Variants in AOAH observed in about 807,000 individuals in gnomAD.
AOAH encodes the protein acyloxyacyl hydrolase.
In AOAH, 64 loss-of-function variants were observed where a neutral mutation model predicts 92.2. That is an observed-to-expected ratio of 0.69 (90% CI 0.57 to 0.86). The LOEUF (loss-of-function observed/expected upper bound fraction) is 0.86, where lower values mean the gene tolerates loss of function less well. Ranked by LOEUF, AOAH falls within the 40% of genes least tolerant of loss-of-function variation. The probability of loss-of-function intolerance (pLI) is 0.00; values close to 1 mark genes in which losing one functional copy is unlikely to be tolerated. For missense variants in AOAH, 656 were observed against 694.6 expected, an observed-to-expected ratio of 0.94 and a Z score of 0.62; for synonymous variants, 263 against 254.5, an observed-to-expected ratio of 1.03 and a Z score of -0.32.
At chr7:36,538,739 G>A (rs760418749) in intron 16 of AOAH, among the ~76,000 whole-genome samples, 4 of 152,218 alleles carry the variant, frequency 2.6e-5, no homozygotes, top group Non-Finnish European at 5.9e-5. Flanking sequence ...AAGCAGCCCA[G>A]AATGGAGTGA....
chr7:36,652,154 C>A (rs558757757), intron 4 of AOAH, among the ~76,000 whole-genome samples: 5 of 152,006 alleles, frequency 3.3e-5, no homozygotes, highest in Non-Finnish European at 5.9e-5. Context: ...ACAAGATGAG[C>A]CTGGATCATC....
At chr7:36,611,634 G>A (rs536763167) in intron 11 of AOAH, among the ~76,000 whole-genome samples, 2 of 152,294 alleles carry the variant, frequency 1.3e-5, no homozygotes, top group Admixed American at 6.5e-5. Context: ...CCTGGAGAAA[G>A]TGTGGGCCCC....
At chr7:36,659,306 T>G in intron 3 of AOAH, 41 bp from the exon 4 acceptor site, 8 of 1,487,622 alleles carry the variant, frequency 5.4e-6, no homozygotes, top group African/African-American at 1.4e-5. Flanking sequence ...TTCAGATCTC[T>G]TAGGCATTAG....
intron 20 of AOAH, chr7:36,514,563 A>C: frequency 1.3e-6 from 2 of 1,535,822 alleles, no homozygotes; most frequent in South Asian, 2.4e-5. Flanking sequence ...CTTGTCATTA[A>C]TATGCCTTTG....
chr7:36,548,009 A>T lies in AOAH; in HGVS notation c.1133+603T>A, dbSNP rs570277809. Among the ~76,000 whole-genome samples the T allele has an allele frequency of 1.3e-3, 195 of 152,104 alleles. 1 individual carries two copies. The highest frequency in any genetic ancestry group is 1.8e-3 in the Non-Finnish European group (121 of 67,948). ...AACTGTGCTTCTGCCTTATTTTATT[A>T]AAAAAAATCACAATTCCCAATCTTG... is the stretch of plus-strand genomic sequence containing the variant. On this transcript the variant is annotated intron_variant, in intron 15 of 20. Transcript: ENST00000617537.
intron 5 of AOAH, among the ~76,000 whole-genome samples, chr7:36,634,656 C>T (rs909696979): frequency 3.3e-5 from 5 of 152,132 alleles, no homozygotes; most frequent in African/African-American, 7.2e-5. Flanking sequence ...GACAGCACTT[C>T]GGAAATACAG....
intron 12 of AOAH, among the ~76,000 whole-genome samples, chr7:36,586,264 A>G (rs1429739982): frequency 2.0e-5 from 3 of 152,142 alleles, no homozygotes; most frequent in Non-Finnish European, 2.9e-5. Flanking sequence ...AAAGTTGTAC[A>G]TGCTCACCCA....
At chr7:36,538,480 G>C (rs994740735) in intron 16 of AOAH, among the ~76,000 whole-genome samples, 3 of 152,142 alleles carry the variant, frequency 2.0e-5, no homozygotes, top group Non-Finnish European at 4.4e-5. Flanking sequence ...TATGGAGGTG[G>C]CGTAACCAGA....
At chr7:36,626,819 C>G (rs1792697982) in intron 6 of AOAH, among the ~76,000 whole-genome samples, 1 of 152,188 alleles carries the variant, frequency 6.6e-6, no homozygotes, top group African/African-American at 2.4e-5. Context: ...GGGTCTTGCT[C>G]TGTTGCCCAG....
intron 2 of AOAH, among the ~76,000 whole-genome samples, chr7:36,675,798 G>T (rs1188253888): frequency 6.6e-6 from 1 of 152,094 alleles, no homozygotes; most frequent in Non-Finnish European, 1.5e-5. Flanking sequence ...CCATGATCAG[G>T]TGGGATTTAT....
intron 13 of AOAH, among the ~76,000 whole-genome samples, chr7:36,550,515 T>A (rs1167782935): frequency 1.3e-5 from 2 of 152,188 alleles, no homozygotes; most frequent in Admixed American, 1.3e-4. Context: ...CTAAGTGGCT[T>A]GCCCAAAGCC....
In AOAH at chr7:36,522,042, G is replaced by A. The variant is rs148236823; in HGVS notation, c.1596C>T (p.Asn532=). The A allele has an allele frequency of 5.3e-5, 86 of 1,613,872 alleles. No homozygotes were observed. In the Middle Eastern group the frequency reaches 1.6e-3, roughly 31 times the overall value. The part of the protein sequence containing the change: ...LIEPVDGFHP[N]EVALLLLADH... Reference sequence around the variant, plus strand: ...GCCACCATGTGACTGTGCTTACCTCGTTGGGGTGGAATCCATCCACGGGCT... The same window carrying A: ...GCCACCATGTGACTGTGCTTACCTCATTGGGGTGGAATCCATCCACGGGCT... Residue 532 remains asparagine, a synonymous_variant, in exon 20 of 21, where the codon AAC becomes AAT. Coordinates refer to ENST00000617537, the MANE Select transcript of AOAH (RefSeq NM_001637.4).
intron 11 of AOAH, chr7:36,594,729 C>A: frequency 2.5e-6 from 1 of 392,656 alleles, no homozygotes; most frequent in Non-Finnish European, 4.8e-6. Flanking sequence ...CCCATTCTTA[C>A]ATTTTCTGAG....
chr7:36,640,168 C>T (rs931976149), intron 4 of AOAH, among the ~76,000 whole-genome samples: 5 of 151,900 alleles, frequency 3.3e-5, no homozygotes. Context: ...CAGCTTTTGC[C>T]AAGGAGGGGG....
intron 4 of AOAH, among the ~76,000 whole-genome samples, chr7:36,642,929 A>G (rs1794001751): frequency 6.6e-6 from 1 of 152,164 alleles, no homozygotes. Context: ...TTACTTAAGC[A>G]CTCTGAGCCT....
chr7:36,716,103 T>TACAATGC (rs1298127819), intron 1 of AOAH, among the ~76,000 whole-genome samples: 1 of 152,160 alleles, frequency 6.6e-6, no homozygotes, highest in East Asian at 1.9e-4. Flanking sequence ...ATCCAGAATC[T>TACAATGC]ACAATGCACT....
At chr7:36,593,502 C>T (rs1336324346) in intron 12 of AOAH, among the ~76,000 whole-genome samples, 2 of 152,172 alleles carry the variant, frequency 1.3e-5, no homozygotes, top group Non-Finnish European at 2.9e-5. Context: ...GCCATTTTTG[C>T]CTGAGTCAGA....
At chr7:36,690,152 T>C (rs7790095) in intron 1 of AOAH, 344,746 of 454,304 alleles carry the variant, frequency 0.76, 131,828 homozygotes, top group East Asian at 0.92. Flanking sequence ...AGGACTCTTA[T>C]GACAGTTGTG....
intron 11 of AOAH, among the ~76,000 whole-genome samples, chr7:36,608,029 C>T (rs78850997): frequency 0.022 from 3,327 of 152,326 alleles, 116 homozygotes; most frequent in African/African-American, 0.076. Context: ...AGTCACCTTG[C>T]CCCTGCAGGC....
Sources: gnomAD v4.1 joint callset for allele counts (sites outside exome capture counted in the v4.1 genomes callset) on GRCh38, gnomAD v4.1.1 for gene constraint, MANE v1.5 for transcripts, NCBI Gene and HGNC (gene_info 2026-07-23, HGNC 2026-07-21) for gene names.